The following RARB variants were observed in gnomAD, a reference collection of about 807,000 sequenced individuals.
The protein encoded by RARB is HBV-activated protein.
In RARB, 17 loss-of-function variants were observed where a neutral mutation model predicts 51.9. That is an observed-to-expected ratio of 0.33 (90% confidence interval 0.22 to 0.49). The LOEUF (loss-of-function observed/expected upper bound fraction) is 0.49, where lower values mean the gene tolerates loss of function less well. Among genes scored for constraint, RARB ranks in the 20% least tolerant of loss-of-function variants. RARB has a pLI of 0.99. For synonymous variants in RARB, 215 were observed against 195.4 expected, an observed-to-expected ratio of 1.10 and a Z score of -0.84; for missense variants, 369 against 550.8, an observed-to-expected ratio of 0.67 and a Z score of 3.30.
chr3:25,212,021 C>T (rs1701711215), intron 5 of RARB, among the ~76,000 whole-genome samples: 1 of 152,216 alleles, frequency 6.6e-6, no homozygotes, highest in Non-Finnish European at 1.5e-5. Context: ...CTAAATTTCA[C>T]TTTGTTTGGC....
At chr3:24,883,380 G>GTGTGTGTT (rs1227115881) in intron 2 of RARB, among the ~76,000 whole-genome samples, 2 of 141,222 alleles carry the variant, frequency 1.4e-5, no homozygotes, top group Non-Finnish European at 3.0e-5. Flanking sequence ...GTGTGTGTGT[G>GTGTGTGTT]TGTGTGTGTG....
chr3:24,884,501 C>T (rs1452306839), intron 2 of RARB, among the ~76,000 whole-genome samples: 2 of 151,956 alleles, frequency 1.3e-5, no homozygotes, highest in Non-Finnish European at 2.9e-5. Flanking sequence ...ATTTTTTTCC[C>T]CAAGGATTAT....
intron 3 of RARB, among the ~76,000 whole-genome samples, chr3:25,094,241 G>A (rs576467371): frequency 6.6e-6 from 1 of 152,262 alleles, no homozygotes; most frequent in South Asian, 2.1e-4. Context: ...TAACACTAAA[G>A]TCTGTCTGAA....
At chr3:25,228,037 T>G (rs117770450) in intron 5 of RARB, among the ~76,000 whole-genome samples, 2 of 152,202 alleles carry the variant, frequency 1.3e-5, no homozygotes, top group African/African-American at 2.4e-5. Flanking sequence ...TTGCAGGTGA[T>G]TTGACAATTT....
At chr3:25,523,120 G>A (rs1698473019) in intron 3 of RARB, among the ~76,000 whole-genome samples, 1 of 152,184 alleles carries the variant, frequency 6.6e-6, no homozygotes, top group East Asian at 1.9e-4. Flanking sequence ...GTGCCCAAAT[G>A]TATTGAGAAT....
intron 5 of RARB, among the ~76,000 whole-genome samples, chr3:25,297,885 T>G (rs965783035): frequency 1.3e-5 from 2 of 152,222 alleles, no homozygotes; most frequent in Non-Finnish European, 1.5e-5. Context: ...GCTCAACTGC[T>G]TTTAATGCCT....
At chr3:24,922,331 G>T (rs1171921502) in intron 2 of RARB, among the ~76,000 whole-genome samples, 1 of 152,168 alleles carries the variant, frequency 6.6e-6, no homozygotes, top group Non-Finnish European at 1.5e-5. Flanking sequence ...GGAGATTTTA[G>T]GTTTTTGCCT....
intron 3 of RARB, among the ~76,000 whole-genome samples, chr3:25,506,508 C>T (rs576661065): frequency 3.6e-4 from 54 of 151,888 alleles, no homozygotes; most frequent in South Asian, 8.3e-4. Flanking sequence ...CTCAGCTAAT[C>T]GGGAGGCTGA....
At chr3:25,494,073 C>T (rs1575457478) in intron 2 of RARB, among the ~76,000 whole-genome samples, 1 of 152,170 alleles carries the variant, frequency 6.6e-6, no homozygotes, top group East Asian at 1.9e-4. Context: ...ATATCTACTT[C>T]AGATAGATGC....
At chr3:24,950,726 A>AAAAAAGT (rs71295100) in intron 2 of RARB, among the ~76,000 whole-genome samples, 2,897 of 149,428 alleles carry the variant, frequency 0.019, 58 homozygotes, top group Middle Eastern at 0.069. Context: ...AAAAAAAAAA[A>AAAAAAGT]AGGTGATTTG....
intron 2 of RARB, among the ~76,000 whole-genome samples, chr3:24,977,919 A>G (rs1031952272): frequency 1.3e-5 from 2 of 152,150 alleles, no homozygotes; most frequent in Admixed American, 6.5e-5. Flanking sequence ...TTATTTTGAG[A>G]TGCATTCCAT....
chr3:24,866,336 C>G (rs1323481967), intron 2 of RARB, among the ~76,000 whole-genome samples: 1 of 152,116 alleles, frequency 6.6e-6, no homozygotes, highest in African/African-American at 2.4e-5. Context: ...ACTCTACTCT[C>G]AACTCCTCTT....
intron 2 of RARB, among the ~76,000 whole-genome samples, chr3:24,963,709 C>A (rs886911507): frequency 1.3e-5 from 2 of 151,984 alleles, no homozygotes; most frequent in Non-Finnish European, 2.9e-5. Flanking sequence ...GGCCGAGCAT[C>A]TCTGCCGGAG....
intron 3 of RARB, among the ~76,000 whole-genome samples, chr3:25,508,632 C>T (rs551920492): frequency 7.2e-5 from 11 of 152,102 alleles, no homozygotes; most frequent in South Asian, 2.1e-4. Flanking sequence ...CATTTGTTCC[C>T]GTGTTAGATC....
intron 3 of RARB, among the ~76,000 whole-genome samples, chr3:25,072,518 A>G (rs182568489): frequency 1.1e-4 from 17 of 152,268 alleles, no homozygotes; most frequent in Admixed American, 8.5e-4. Context: ...CTTGATAGCG[A>G]TAACTGTTGG....
chr3:25,266,116 T>C (rs1703119600), intron 5 of RARB, among the ~76,000 whole-genome samples: 2 of 152,318 alleles, frequency 1.3e-5, no homozygotes, highest in South Asian at 4.1e-4. Context: ...TGATTATAAC[T>C]GTATCTACAA....
intron 3 of RARB, among the ~76,000 whole-genome samples, chr3:25,505,364 T>C (rs753623189): frequency 6.6e-6 from 1 of 152,218 alleles, no homozygotes; most frequent in Non-Finnish European, 1.5e-5. Context: ...CTCTATTTTA[T>C]TGCCAGTGGT....
intron 5 of RARB, among the ~76,000 whole-genome samples, chr3:25,423,229 T>A (rs1487127828): frequency 6.6e-6 from 1 of 152,220 alleles, no homozygotes; most frequent in Non-Finnish European, 1.5e-5. Context: ...CTACTAGAAT[T>A]TTATCCAGCA....
At chr3:25,204,301 T>A (rs1701472771) in intron 5 of RARB, among the ~76,000 whole-genome samples, 1 of 152,206 alleles carries the variant, frequency 6.6e-6, no homozygotes, top group Non-Finnish European at 1.5e-5. Context: ...CTTCTCTGCA[T>A]TGATTGTTCT....
Sources: allele counts gnomAD v4.1 joint callset (sites outside exome capture counted in the v4.1 genomes callset), GRCh38; gene constraint gnomAD v4.1.1; transcripts MANE v1.5; gene names NCBI Gene and HGNC (gene_info 2026-07-23, HGNC 2026-07-21).